Variants in DRAM1 observed in about 807,000 individuals in gnomAD.
DRAM1 encodes the protein DNA damage-regulated autophagy modulator protein 1.
In DRAM1, 25 loss-of-function variants were observed where a neutral mutation model predicts 28.5. The observed-to-expected ratio is 0.88, with a 90% CI of 0.64 to 1.23. The LOEUF (loss-of-function observed/expected upper bound fraction) is 1.23. DRAM1 is among the 50% of genes most tolerant of loss of function. DRAM1 has a pLI of 0.00. For synonymous variants in DRAM1, 113 were observed against 114.2 expected (o/e 0.99, Z 0.07); for missense variants, 249 against 299.2 (o/e 0.83, Z 1.24).
intron 2 of DRAM1, 134 bp from the exon 3 acceptor site, chr12:101,901,157 C>G: frequency 1.1e-5 from 8 of 747,882 alleles, no homozygotes; most frequent in South Asian, 6.0e-5. Context: ...AAGATGGAGT[C>G]AGGAGGGACA....
chr12:101,919,077 C>A (rs7975428), intron 5 of DRAM1, among the ~76,000 whole-genome samples: 47,927 of 151,360 alleles, frequency 0.32, 11,203 homozygotes, highest in African/African-American at 0.67. Context: ...GCAGGCCACC[C>A]CACCCAGCTA....
intron 2 of DRAM1, among the ~76,000 whole-genome samples, chr12:101,898,830 G>C (rs1019381553): frequency 6.6e-6 from 1 of 152,204 alleles, no homozygotes; most frequent in Admixed American, 6.5e-5. Context: ...TTTCTTTTCA[G>C]TTCCTCAGAT....
chr12:101,917,589 G>T (rs962541970), intron 5 of DRAM1, among the ~76,000 whole-genome samples: 9 of 151,850 alleles, frequency 5.9e-5, no homozygotes, highest in African/African-American at 1.9e-4. Flanking sequence ...GGGAGGCTGA[G>T]GCAGGAGAAT....
chr12:101,900,173 T>C (rs1873542927), intron 2 of DRAM1, among the ~76,000 whole-genome samples: 1 of 152,224 alleles, frequency 6.6e-6, no homozygotes, highest in African/African-American at 2.4e-5. Context: ...TTTGGTTAAT[T>C]GACTAGCTAT....
chr12:101,897,940 CAAT>C lies in DRAM1; in HGVS notation c.199+14_199+16del. 1.3e-6 allele frequency: 2 copies of C among 1,483,858 alleles called. No homozygotes were observed. Among genetic ancestry groups the C allele is most frequent in the Non-Finnish European group, 1.9e-6 (2 of 1,069,132 alleles). The allele number at this position is 1,483,858 out of a possible 1,614,324, so 91.9% of individuals were successfully genotyped here. ...TTCTCTGCATTTCTTGGTAAGTACACAATAATTATTATAAATAATTGAAAAGCT... is the reference window on the plus strand; with the variant it reads ...TTCTCTGCATTTCTTGGTAAGTACACAATTATTATAAATAATTGAAAAGCT... On this transcript the variant is annotated intron_variant, in intron 2 of 6. Coordinates refer to ENST00000258534, the MANE Select transcript of DRAM1 (RefSeq NM_018370.3).
intron 2 of DRAM1, among the ~76,000 whole-genome samples, 160 bp downstream of exon 2, chr12:101,898,090 G>A (rs990487643): frequency 1.3e-5 from 2 of 151,960 alleles, no homozygotes; most frequent in African/African-American, 2.4e-5. Flanking sequence ...GCGTGATCAC[G>A]GCTCACTGCA....
chr12:101,906,153 G>C (rs1873799564), intron 3 of DRAM1, among the ~76,000 whole-genome samples: 1 of 152,090 alleles, frequency 6.6e-6, no homozygotes, highest in South Asian at 2.1e-4. Context: ...AGTCATATTT[G>C]AATATAACAC....
chr12:101,901,535 A>C, intron 3 of DRAM1, 102 bp downstream of exon 3: 16 of 1,373,570 alleles, frequency 1.2e-5, no homozygotes, highest in Non-Finnish European at 1.5e-5. Context: ...TATAGCCATT[A>C]AATGCTTGAT....
At chr12:101,903,954 C>T (rs1406824973) in intron 3 of DRAM1, among the ~76,000 whole-genome samples, 1 of 141,764 alleles carries the variant, frequency 7.1e-6, no homozygotes, top group Non-Finnish European at 1.5e-5. Flanking sequence ...CACACACACA[C>T]ACACACACCC....
In DRAM1 at chr12:101,920,297, C is replaced by CTTTTTTTTTTTTTTTT. The variant is rs373899697; in HGVS notation, c.672+100_672+115dup. ...TTTGCATTTTTAAAAAGAGCACTTTCTTTTTTTTTTTTTTTTTTTGAGACG... is the reference window on the plus strand; with the variant it reads ...TTTGCATTTTTAAAAAGAGCACTTTCTTTTTTTTTTTTTTTTTTTTTTTTTTTTTTTTTTTGAGACG... On this transcript the variant is annotated intron_variant, in intron 6 of 6. Coordinates refer to ENST00000258534, the MANE Select transcript of DRAM1 (RefSeq NM_018370.3). 3.7e-3 allele frequency: 1,038 copies of CTTTTTTTTTTTTTTTT among 276,976 alleles called. 17 individuals are homozygous for CTTTTTTTTTTTTTTTT. Among genetic ancestry groups the CTTTTTTTTTTTTTTTT allele is most frequent in the African/African-American group, 0.021 (210 of 9,896 alleles). The allele number at this position is 276,976 out of a possible 1,614,324, so 17.2% of individuals were successfully genotyped here. A position where few individuals can be genotyped will look rare whatever the true frequency, so the allele number is the denominator to read the frequency against.
chr12:101,897,719 G>A, intron 1 of DRAM1, 144 bp from the exon 2 acceptor site: 1 of 637,044 alleles, frequency 1.6e-6, no homozygotes, highest in Non-Finnish European at 2.8e-6. Flanking sequence ...AAATACTTTA[G>A]AACAAAATCA....
At chr12:101,895,196 T>TGTTTG (rs1873308555) in intron 1 of DRAM1, among the ~76,000 whole-genome samples, 1 of 127,780 alleles carries the variant, frequency 7.8e-6, no homozygotes, top group Non-Finnish European at 1.6e-5. Context: ...GTTTTTTTTT[T>TGTTTG]TTTTTTTTTT....
chr12:101,915,173 G>C (rs896363891), intron 5 of DRAM1, among the ~76,000 whole-genome samples: 3 of 151,022 alleles, frequency 2.0e-5, no homozygotes, highest in Non-Finnish European at 4.4e-5. Context: ...TAGAGATGGG[G>C]TTTCACCGTA....
intron 3 of DRAM1, among the ~76,000 whole-genome samples, chr12:101,907,807 G>A (rs1873880439): frequency 6.6e-6 from 1 of 152,110 alleles, no homozygotes; most frequent in Non-Finnish European, 1.5e-5. Context: ...CTGCAAACAT[G>A]CAAGACTGAG....
At chr12:101,905,966 T>A (rs1049499233) in intron 3 of DRAM1, among the ~76,000 whole-genome samples, 3 of 152,056 alleles carry the variant, frequency 2.0e-5, no homozygotes, top group African/African-American at 7.2e-5. Context: ...GTTTTTGTAT[T>A]TTTAGTAGAT....
intron 1 of DRAM1, among the ~76,000 whole-genome samples, chr12:101,889,879 G>C (rs1472282769): frequency 6.8e-6 from 1 of 146,542 alleles, no homozygotes; most frequent in African/African-American, 2.5e-5. Context: ...GGCAGAGGTT[G>C]CAGTGAGCCG....
chr12:101,897,774 C>A, intron 1 of DRAM1, 89 bp from the exon 2 acceptor site: 1 of 889,950 alleles, frequency 1.1e-6, no homozygotes, highest in Non-Finnish European at 1.8e-6. Context: ...CTAAAAGAAA[C>A]AGAATATAAA....
intron 5 of DRAM1, among the ~76,000 whole-genome samples, chr12:101,918,164 C>A (rs1874329679): frequency 6.6e-6 from 1 of 152,206 alleles, no homozygotes; most frequent in Non-Finnish European, 1.5e-5. Context: ...CCTCAAACTT[C>A]TGTGTAGTGC....
intron 3 of DRAM1, among the ~76,000 whole-genome samples, chr12:101,905,868 CA>C (rs1873786952): frequency 6.6e-6 from 1 of 152,140 alleles, no homozygotes; most frequent in Non-Finnish European, 1.5e-5. Context: ...CGGCTTACTG[CA>C]GTCTCCACCT....
Sources: gnomAD v4.1 joint callset for allele counts (sites outside exome capture counted in the v4.1 genomes callset) on GRCh38, gnomAD v4.1.1 for gene constraint, MANE v1.5 for transcripts, NCBI Gene and HGNC (gene_info 2026-07-23, HGNC 2026-07-21) for gene names.